The following RIT2 variants were observed in gnomAD, a reference collection of about 807,000 sequenced individuals.
RIT2 encodes the protein GTP-binding protein Rit2.
In RIT2, 24 loss-of-function variants were observed where a neutral mutation model predicts 23.7. That is an observed-to-expected ratio of 1.01 (90% confidence interval 0.73 to 1.43). The LOEUF (loss-of-function observed/expected upper bound fraction) is 1.43. RIT2 is among the 40% of genes most tolerant of loss of function. The probability of loss-of-function intolerance (pLI) is 0.00; values close to 1 mark genes in which losing one functional copy is unlikely to be tolerated. For missense variants in RIT2, 236 were observed against 266.9 expected (o/e 0.88, Z 0.81); for synonymous variants, 107 against 91.1 (o/e 1.17, Z -0.99).
intron 4 of RIT2, among the ~76,000 whole-genome samples, chr18:42,874,813 T>C (rs933941680): frequency 1.3e-5 from 2 of 151,922 alleles, no homozygotes; most frequent in African/African-American, 4.8e-5. Context: ...TTTTGCACAG[T>C]TGTCCATAGT....
chr18:43,034,281 A>G (rs1163069202), intron 1 of RIT2, among the ~76,000 whole-genome samples: 1 of 152,174 alleles, frequency 6.6e-6, no homozygotes, highest in African/African-American at 2.4e-5. Flanking sequence ...TTTAAAGTGA[A>G]TAGATACCCT....
intron 4 of RIT2, among the ~76,000 whole-genome samples, chr18:42,861,659 T>C (rs546908778): frequency 6.6e-6 from 1 of 152,346 alleles, no homozygotes; most frequent in Non-Finnish European, 1.5e-5. Context: ...GATTAACAAA[T>C]TGATACTCTT....
chr18:42,974,692 C>A (rs892153023), intron 2 of RIT2, among the ~76,000 whole-genome samples: 2 of 151,898 alleles, frequency 1.3e-5, no homozygotes, highest in Non-Finnish European at 2.9e-5. Flanking sequence ...TACATGCAAA[C>A]CCTAAATGAA....
rs185416403 is a variant in RIT2, at chr18:42,879,811, G to A, written c.426+43761C>T. On this transcript the variant is annotated intron_variant, in intron 4 of 4. Transcript: ENST00000326695. Reference sequence around the variant, plus strand: ...TTTCAAAGTTAATAAACTCTAAGTGGTTGGACAGAACTTGTCAATTGCAGG... The same window carrying A: ...TTTCAAAGTTAATAAACTCTAAGTGATTGGACAGAACTTGTCAATTGCAGG... Among the ~76,000 whole-genome samples the A allele has an allele frequency of 9.8e-4, 149 of 152,202 alleles. 1 individual carries two copies. Among genetic ancestry groups the A allele is most frequent in the African/African-American group, 3.4e-3 (141 of 41,532 alleles).
At chr18:43,077,102 C>CAAAAAAAAAAAA (rs34419558) in intron 1 of RIT2, among the ~76,000 whole-genome samples, 1 of 80,244 alleles carries the variant, frequency 1.2e-5, no homozygotes, top group Non-Finnish European at 2.4e-5. Context: ...GACTCCGTCT[C>CAAAAAAAAAAAA]AAAAAAAAAA....
At chr18:42,898,689 G>A (rs1012774629) in intron 4 of RIT2, among the ~76,000 whole-genome samples, 14 of 152,070 alleles carry the variant, frequency 9.2e-5, no homozygotes, top group Admixed American at 6.6e-5. Context: ...TCCAGAATCC[G>A]ATTCTGGTTT....
intron 4 of RIT2, among the ~76,000 whole-genome samples, chr18:42,789,970 G>A (rs185737403): frequency 2.2e-4 from 33 of 152,158 alleles, no homozygotes; most frequent in Middle Eastern, 3.4e-3. Context: ...TATAATACAC[G>A]ACCCTTATTG....
intron 1 of RIT2, among the ~76,000 whole-genome samples, chr18:43,105,560 T>C (rs990769741): frequency 3.5e-5 from 5 of 141,058 alleles, no homozygotes; most frequent in Non-Finnish European, 6.2e-5. Context: ...GGCAATATAA[T>C]CTATAGTTTT....
intron 4 of RIT2, among the ~76,000 whole-genome samples, chr18:42,816,270 T>C (rs937807415): frequency 1.3e-5 from 2 of 152,128 alleles, no homozygotes; most frequent in Non-Finnish European, 2.9e-5. Flanking sequence ...TTGTGCACAA[T>C]TGGCTCTTGA....
intron 4 of RIT2, among the ~76,000 whole-genome samples, chr18:42,799,238 T>C (rs951446423): frequency 1.1e-4 from 16 of 152,182 alleles, no homozygotes; most frequent in African/African-American, 3.9e-4. Flanking sequence ...TTTCATGAAG[T>C]TGCAATATAA....
chr18:42,834,606 CA>C (rs1284582398), intron 4 of RIT2, among the ~76,000 whole-genome samples: 2 of 151,802 alleles, frequency 1.3e-5, no homozygotes, highest in East Asian at 3.9e-4. Context: ...GAGTAGTTTT[CA>C]AAATGTTTTG....
intron 1 of RIT2, among the ~76,000 whole-genome samples, chr18:43,052,675 C>A (rs1444999364): frequency 6.6e-6 from 1 of 152,064 alleles, no homozygotes; most frequent in African/African-American, 2.4e-5. Context: ...TCATCTCTTT[C>A]TTCTCTATTT....
At chr18:43,044,884 G>A (rs1025985807) in intron 1 of RIT2, among the ~76,000 whole-genome samples, 6 of 152,128 alleles carry the variant, frequency 3.9e-5, no homozygotes, top group East Asian at 1.9e-4. Context: ...GAAAGAAATT[G>A]TGCTTTCCAG....
chr18:43,004,859 C>T (rs1911191782), intron 2 of RIT2, among the ~76,000 whole-genome samples: 1 of 151,826 alleles, frequency 6.6e-6, no homozygotes, highest in African/African-American at 2.4e-5. Context: ...GATCTGCAGA[C>T]TCAATTACTA....
chr18:42,965,430 G>A (rs577413666), intron 3 of RIT2, among the ~76,000 whole-genome samples: 10 of 152,190 alleles, frequency 6.6e-5, no homozygotes, highest in Admixed American at 4.6e-4. Flanking sequence ...CAACTGTACC[G>A]TAGTTATGGC....
At chr18:42,808,147 G>C (rs73951757) in intron 4 of RIT2, among the ~76,000 whole-genome samples, 1 of 152,168 alleles carries the variant, frequency 6.6e-6, no homozygotes, top group African/African-American at 2.4e-5. Flanking sequence ...TGGAGCAAAA[G>C]CAAAATCATT....
intron 4 of RIT2, among the ~76,000 whole-genome samples, chr18:42,781,585 T>C (rs1913812793): frequency 6.6e-6 from 1 of 152,118 alleles, no homozygotes; most frequent in African/African-American, 2.4e-5. Flanking sequence ...CCTCATGACT[T>C]TTAGGCACCA....
At chr18:42,765,853 G>T (rs1024774902) in intron 4 of RIT2, among the ~76,000 whole-genome samples, 6 of 152,008 alleles carry the variant, frequency 3.9e-5, no homozygotes. Flanking sequence ...AATCATGAGG[G>T]CTGGTCTTTC....
intron 4 of RIT2, among the ~76,000 whole-genome samples, chr18:42,782,251 G>C (rs553479072): frequency 1.3e-5 from 2 of 152,210 alleles, no homozygotes; most frequent in African/African-American, 2.4e-5. Context: ...AATAGTTAGA[G>C]ATTAGTGCTC....
Sources: gnomAD v4.1 joint callset for allele counts (sites outside exome capture counted in the v4.1 genomes callset) on GRCh38, gnomAD v4.1.1 for gene constraint, MANE v1.5 for transcripts, NCBI Gene and HGNC (gene_info 2026-07-23, HGNC 2026-07-21) for gene names.